ANKRD17: variants seen among roughly 807,000 people sequenced by gnomAD.
ANKRD17 encodes the protein ankyrin repeat domain 17.
ANKRD17 carries 19 observed loss-of-function variants against 229.7 expected under a neutral mutation model. The observed-to-expected ratio is 0.08, with a 90% CI of 0.06 to 0.12. The LOEUF is 0.12. ANKRD17 is among the 10% of genes least tolerant of loss of function. The pLI, the probability that ANKRD17 is intolerant of heterozygous loss-of-function variation, is 1.00. For synonymous variants in ANKRD17, 1,112 were observed against 1,146.1 expected, an observed-to-expected ratio of 0.97 and a Z score of 0.60; for missense variants, 2,176 against 3,176.8, an observed-to-expected ratio of 0.68 and a Z score of 7.57.
At position 73,178,738 on chromosome 4, in the gene ANKRD17, C is replaced by T. The variant is rs189258507; in HGVS notation, c.394-1205G>A. On this transcript the variant is annotated intron_variant, in intron 1 of 33. Transcript: ENST00000358602. ...TTAAGAAACACTGATATAAGTCTAGCCGATTCAAGTAAATTTAAAGAATTA... is the reference window on the plus strand; with the variant it reads ...TTAAGAAACACTGATATAAGTCTAGTCGATTCAAGTAAATTTAAAGAATTA... Among the ~76,000 whole-genome samples, 218 of 152,152 alleles carry T rather than the reference C, an allele frequency of 1.4e-3. 1 individual carries two copies. Among genetic ancestry groups the T allele is most frequent in the African/African-American group, 4.9e-3 (204 of 41,508 alleles).
Position 73,124,912 on chromosome 4 carries a change from C to A in ANKRD17, c.3492+1G>T. 6.2e-7 allele frequency: 1 copy of A among 1,613,756 alleles called. No individual in the cohort carries two copies. The highest frequency in any genetic ancestry group is 8.5e-7 in the Non-Finnish European group (1 of 1,179,892). ...ACAATTACACTAAGGGGAAACATTA[C>A]CTCCTGTCTTCCCCCAGAACAAGCC... On this transcript the variant is annotated splice_donor_variant, in intron 18 of 33. Transcript: ENST00000358602. LOFTEE classifies it high-confidence loss of function.
intron 16 of ANKRD17, among the ~76,000 whole-genome samples, chr4:73,131,210 G>A (rs969402066): frequency 3.9e-5 from 6 of 152,230 alleles, no homozygotes; most frequent in African/African-American, 1.4e-4. Context: ...TGGAAAGTCT[G>A]TGGCACACCC....
intron 9 of ANKRD17, 97 bp from the exon 10 acceptor site, chr4:73,146,970 C>A: frequency 2.1e-6 from 2 of 953,448 alleles, no homozygotes; most frequent in Non-Finnish European, 3.1e-6. Context: ...CATACCTCCT[C>A]AAGTTAAACA....
At chr4:73,082,695 A>T (rs1031914499) in intron 30 of ANKRD17, among the ~76,000 whole-genome samples, 111 of 152,214 alleles carry the variant, frequency 7.3e-4, no homozygotes, top group African/African-American at 2.4e-3. Context: ...ATTCTAGCAA[A>T]CAACTGGCTT....
intron 33 of ANKRD17, among the ~76,000 whole-genome samples, chr4:73,076,718 T>A (rs1721035824): frequency 6.6e-6 from 1 of 152,218 alleles, no homozygotes; most frequent in Admixed American, 6.5e-5. Flanking sequence ...TCATTTATTA[T>A]CTGCTACCCA....
intron 24 of ANKRD17, among the ~76,000 whole-genome samples, chr4:73,104,964 T>C (rs531714214): frequency 2.0e-5 from 3 of 152,250 alleles, no homozygotes; most frequent in East Asian, 1.9e-4. Context: ...TAATATGAGT[T>C]TGGATTATCG....
intron 1 of ANKRD17, among the ~76,000 whole-genome samples, chr4:73,235,339 G>C (rs1353008462): frequency 1.3e-5 from 2 of 152,134 alleles, no homozygotes; most frequent in Non-Finnish European, 2.9e-5. Flanking sequence ...AAAATGTTGA[G>C]ACAGTAACAG....
chr4:73,105,012 C>T (rs186553219), intron 24 of ANKRD17, among the ~76,000 whole-genome samples: 2 of 152,072 alleles, frequency 1.3e-5, no homozygotes, highest in African/African-American at 2.4e-5. Flanking sequence ...AGTATTTGCT[C>T]GTTTCTAAAT....
In ANKRD17 at chr4:73,258,564, G is replaced by A; in HGVS notation, c.105C>T (p.Val35=). ...TGCTGCTGCCGCCAACGCCGCCGCC[G>A]ACCTCCGCCGCCGCGGGGGGGCCCG... ...AVAGPPAAAE[V]GGGVGGSSRA... Residue 35 remains valine, a synonymous_variant, in exon 1 of 34, where the codon GTC becomes GTT. Coordinates refer to ENST00000358602, the MANE Select transcript of ANKRD17 (RefSeq NM_032217.5). The A allele has an allele frequency of 6.8e-7, 1 of 1,461,682 alleles. No homozygotes were observed. The allele number at this position is 1,461,682 out of a possible 1,614,324, so 90.5% of individuals were successfully genotyped here. A position where few individuals can be genotyped will look rare whatever the true frequency, so the allele number is the denominator to read the frequency against.
chr4:73,132,321 C>T (rs1053717064), intron 16 of ANKRD17, among the ~76,000 whole-genome samples: 2 of 152,144 alleles, frequency 1.3e-5, no homozygotes, highest in East Asian at 3.9e-4. Context: ...GTTGGCCAGG[C>T]TGGTCTCGAA....
intron 1 of ANKRD17, among the ~76,000 whole-genome samples, chr4:73,244,475 C>G (rs1244890246): frequency 6.6e-6 from 1 of 152,122 alleles, no homozygotes; most frequent in Non-Finnish European, 1.5e-5. Flanking sequence ...AAATTTAACT[C>G]AAATCCTTAG....
chr4:73,093,714 A>G (rs1266297610), intron 28 of ANKRD17, among the ~76,000 whole-genome samples: 1 of 152,218 alleles, frequency 6.6e-6, no homozygotes, highest in East Asian at 1.9e-4. Flanking sequence ...AGAATAACAA[A>G]TCTCAAAGGT....
chr4:73,082,366 T>C (rs1219758477), intron 30 of ANKRD17, among the ~76,000 whole-genome samples: 5 of 152,112 alleles, frequency 3.3e-5, no homozygotes, highest in South Asian at 2.1e-4. Context: ...CAAGTGCCTG[T>C]AGTCCCAGCT....
intron 2 of ANKRD17, among the ~76,000 whole-genome samples, chr4:73,174,845 C>G (rs1734520174): frequency 6.6e-6 from 1 of 151,974 alleles, no homozygotes; most frequent in Non-Finnish European, 1.5e-5. Context: ...AAATAAAATA[C>G]CTAGGAAGGA....
chr4:73,106,338 T>C (rs1386779628), intron 24 of ANKRD17, among the ~76,000 whole-genome samples: 2 of 152,120 alleles, frequency 1.3e-5, no homozygotes, highest in Non-Finnish European at 2.9e-5. Flanking sequence ...GGAAACAAAG[T>C]GACACTTGGG....
intron 1 of ANKRD17, among the ~76,000 whole-genome samples, chr4:73,179,761 G>C (rs557647312): frequency 6.6e-6 from 1 of 151,306 alleles, no homozygotes; most frequent in African/African-American, 2.4e-5. Context: ...TACCAGGCCT[G>C]GCTAATTTTA....
At chr4:73,121,875 C>T (rs1726780075) in intron 18 of ANKRD17, 116 bp from the exon 19 acceptor site, 1 of 1,042,356 alleles carries the variant, frequency 9.6e-7, no homozygotes, top group Non-Finnish European at 1.3e-6. Flanking sequence ...GAAAGTTCTT[C>T]CTTCATGCTC....
rs1279850783 is a variant in ANKRD17, at chr4:73,166,772, G to C, written c.548-5424C>G. Among the ~76,000 whole-genome samples, 4 of 143,810 alleles carry C rather than the reference G, an allele frequency of 2.8e-5. No homozygotes were observed. The East Asian group carries it at 8.0e-4, about 29-fold the overall frequency. 94.3% of individuals were successfully genotyped at this position (143,810 alleles called of 152,430 possible). ...AACAAATAAATAGAAAAAAAAAAAAGAGGAACTGTTATGATTAAACTTAAA... is the reference window on the plus strand; with the variant it reads ...AACAAATAAATAGAAAAAAAAAAAACAGGAACTGTTATGATTAAACTTAAA... On this transcript the variant is annotated intron_variant, in intron 2 of 33. Coordinates refer to ENST00000358602, the MANE Select transcript of ANKRD17 (RefSeq NM_032217.5).
chr4:73,257,653 C>A (rs1379552696), intron 1 of ANKRD17, among the ~76,000 whole-genome samples: 3 of 152,132 alleles, frequency 2.0e-5, no homozygotes, highest in Non-Finnish European at 4.4e-5. Context: ...ATCAGTTCAT[C>A]GAAAATCCCT....
Sources: allele counts gnomAD v4.1 joint callset (sites outside exome capture counted in the v4.1 genomes callset), GRCh38; gene constraint gnomAD v4.1.1; transcripts MANE v1.5; gene names NCBI Gene and HGNC (gene_info 2026-07-23, HGNC 2026-07-21).